Variants in CCDC146 observed in about 807,000 individuals in gnomAD.
The protein encoded by CCDC146 is coiled-coil domain-containing protein 146.
Under a neutral mutation model 119.3 loss-of-function variants are expected in CCDC146, and 92 were observed. That is an observed-to-expected ratio of 0.77 (90% CI 0.65 to 0.92). CCDC146 has a LOEUF of 0.92. Among genes scored for constraint, CCDC146 ranks in the 40% least tolerant of loss-of-function variants. CCDC146 has a pLI of 0.00. For synonymous variants in CCDC146, 372 were observed against 371.8 expected (o/e 1.00, Z -0.01); for missense variants, 1,000 against 1,103.0 (o/e 0.91, Z 1.32).
At chr7:77,250,364 G>A (rs559668700) in intron 4 of CCDC146, among the ~76,000 whole-genome samples, 1 of 152,250 alleles carries the variant, frequency 6.6e-6, no homozygotes, top group East Asian at 1.9e-4. Flanking sequence ...TTGCAAAGCA[G>A]GTCTATTGAC....
At chr7:77,278,620 A>T in intron 11 of CCDC146, 132 bp from the exon 12 acceptor site, 3 of 629,278 alleles carry the variant, frequency 4.8e-6, no homozygotes, top group Non-Finnish European at 5.4e-6. Flanking sequence ...TAATTTTTTT[A>T]TTTTTGTAGA....
In CCDC146 at chr7:77,196,211, T is replaced by A; in HGVS notation, c.156+28387T>A. On this transcript the variant is annotated intron_variant, in intron 2 of 18. Coordinates refer to ENST00000285871, the MANE Select transcript of CCDC146 (RefSeq NM_020879.3). This position sits in a 1 kb window ranked among gnomAD's most constrained non-coding sequence, Gnocchi z 4.2. ...TATGAAAAATATGAAACAAGGCATATTCTAAAGTGCTGAAGGAATTAATTG... is the reference window on the plus strand; with the variant it reads ...TATGAAAAATATGAAACAAGGCATAATCTAAAGTGCTGAAGGAATTAATTG... 1 of 1,162,618 alleles carries A rather than the reference T, an allele frequency of 8.6e-7. No individual in the cohort carries two copies. The highest frequency in any genetic ancestry group is 1.2e-6 in the Non-Finnish European group (1 of 818,496). The allele number at this position is 1,162,618 out of a possible 1,614,324, so 72.0% of individuals were successfully genotyped here.
chr7:77,151,697 G>C lies in CCDC146; in HGVS notation c.-11-15961G>C, dbSNP rs141395876. Among the ~76,000 whole-genome samples, 575 of 152,126 alleles carry C rather than the reference G, an allele frequency of 3.8e-3. 6 individuals carry two copies. The highest frequency in any genetic ancestry group is 0.014 in the African/African-American group (563 of 41,492). Reference sequence around the variant, plus strand: ...TCCTGGACATAAGACCTGCATTCAGGGTCATTAGGTAGCACCGTGGTTTCA... The same window carrying C: ...TCCTGGACATAAGACCTGCATTCAGCGTCATTAGGTAGCACCGTGGTTTCA... On this transcript the variant is annotated intron_variant, in intron 1 of 18. Transcript: ENST00000285871.
chr7:77,164,585 A>G (rs1001310371), intron 1 of CCDC146, among the ~76,000 whole-genome samples: 96 of 152,228 alleles, frequency 6.3e-4, no homozygotes, highest in African/African-American at 2.1e-3. Context: ...GAAGAGGAAA[A>G]CAAGTACATG....
intron 2 of CCDC146, among the ~76,000 whole-genome samples, chr7:77,178,966 T>C (rs1409282658): frequency 6.6e-6 from 1 of 152,276 alleles, no homozygotes; most frequent in East Asian, 1.9e-4. Flanking sequence ...AGAGAGAGGG[T>C]ACTGTTGTCT....
chr7:77,294,463 G>GGTAGGTGTGTGTGT (rs1554364032), intron 18 of CCDC146, among the ~76,000 whole-genome samples, 200 bp from the exon 19 acceptor site: 15 of 134,310 alleles, frequency 1.1e-4, no homozygotes, highest in African/African-American at 3.9e-4. Context: ...ATGAGAGGTA[G>GGTAGGTGTGTGTGT]GTGTGTGTGT....
rs377078764 is a variant in CCDC146 at position 77,163,417 on chromosome 7, C to T, written c.-11-4241C>T. ...GAGCAGAGAATGCACCACTGCACTC[C>T]AGCCTGGGAGACAGAGCAAGACTCT... On this transcript the variant is annotated intron_variant, in intron 1 of 18. Coordinates refer to ENST00000285871, the MANE Select transcript of CCDC146 (RefSeq NM_020879.3). Among the ~76,000 whole-genome samples the T allele has an allele frequency of 1.2e-4, 18 of 151,944 alleles. No homozygotes were observed. The East Asian group carries it at 2.9e-3, about 25-fold the overall frequency.
chr7:77,205,265 A>G (rs564380254), intron 2 of CCDC146, among the ~76,000 whole-genome samples: 2 of 152,350 alleles, frequency 1.3e-5, no homozygotes, highest in Middle Eastern at 3.4e-3. Flanking sequence ...TAGGTTTCTA[A>G]GAGCCTCTGG....
intron 9 of CCDC146, among the ~76,000 whole-genome samples, chr7:77,271,538 A>G: frequency 1.6e-5 from 1 of 61,180 alleles, no homozygotes; most frequent in South Asian, 6.7e-4. Flanking sequence ...ATATATATAT[A>G]TATATATATA....
chr7:77,273,634 C>G, intron 9 of CCDC146, 60 bp from the exon 10 acceptor site: 1 of 1,310,650 alleles, frequency 7.6e-7, no homozygotes, highest in Non-Finnish European at 1.1e-6. Context: ...AATTCTCTGC[C>G]TCAGCCTCCC....
chr7:77,196,413 G>A lies in CCDC146; in HGVS notation c.156+28589G>A, dbSNP rs1270628747. The A allele has an allele frequency of 6.2e-7, 1 of 1,614,062 alleles. No individual in the cohort carries two copies. The highest frequency in any genetic ancestry group is 1.1e-5 in the South Asian group (1 of 91,080). ...CCATTACGGACACCTCTGTATTTTT[G>A]GTGATAATATTTGCCATTTAAGTTT... is the stretch of plus-strand genomic sequence containing the variant. On this transcript the variant is annotated intron_variant, in intron 2 of 18. Transcript: ENST00000285871. This position sits in a 1 kb window ranked among gnomAD's most constrained non-coding sequence, Gnocchi z 4.2.
At chr7:77,229,575 G>A (rs756974669) in intron 2 of CCDC146, among the ~76,000 whole-genome samples, 1 of 152,122 alleles carries the variant, frequency 6.6e-6, no homozygotes, top group African/African-American at 2.4e-5. Flanking sequence ...TGAATAGGGA[G>A]TCTTTTCCCC....
intron 2 of CCDC146, among the ~76,000 whole-genome samples, chr7:77,216,804 G>T (rs1354186228): frequency 6.6e-6 from 1 of 152,096 alleles, no homozygotes; most frequent in East Asian, 1.9e-4. Context: ...TTTTGTCAAA[G>T]CTCATAAAGT....
intron 1 of CCDC146, among the ~76,000 whole-genome samples, chr7:77,142,139 C>T (rs1373058568): frequency 6.6e-6 from 1 of 152,044 alleles, no homozygotes; most frequent in Non-Finnish European, 1.5e-5. Flanking sequence ...TGGAAGGATT[C>T]CTTTTGAAAA....
intron 2 of CCDC146, among the ~76,000 whole-genome samples, chr7:77,200,665 G>GCCT (rs2150436622): frequency 6.6e-6 from 1 of 152,282 alleles, no homozygotes; most frequent in Non-Finnish European, 1.5e-5. Context: ...TGGCAGGCGG[G>GCCT]CCTCTTGCTT....
chr7:77,161,855 G>A (rs753619369), intron 1 of CCDC146, among the ~76,000 whole-genome samples: 29 of 148,736 alleles, frequency 1.9e-4, no homozygotes, highest in Non-Finnish European at 3.3e-4. Flanking sequence ...CAGGTGTGAG[G>A]CGACATCTTA....
intron 2 of CCDC146, among the ~76,000 whole-genome samples, chr7:77,174,082 A>G (rs1033533020): frequency 1.3e-5 from 2 of 152,018 alleles, no homozygotes; most frequent in Non-Finnish European, 2.9e-5. Flanking sequence ...CTTCCCAGTC[A>G]TTGCTCCCAC....
In CCDC146 at chr7:77,196,645, C is replaced by A; in HGVS notation, c.156+28821C>A. Reference sequence around the variant, plus strand: ...TGAGAAACTCATTAGCCACATAAAACTGATCATACAAGGCATATAGTTCGA... The same window carrying A: ...TGAGAAACTCATTAGCCACATAAAAATGATCATACAAGGCATATAGTTCGA... On this transcript the variant is annotated intron_variant, in intron 2 of 18. Transcript: ENST00000285871. This position sits in a 1 kb window ranked among gnomAD's most constrained non-coding sequence, Gnocchi z 4.2. The A allele has an allele frequency of 6.2e-7, 1 of 1,614,118 alleles. No homozygotes were observed. Among genetic ancestry groups the A allele is most frequent in the Non-Finnish European group, 8.5e-7 (1 of 1,179,948 alleles).
At chr7:77,294,463 G>GGGGTGTGTGT (rs1233864398) in intron 18 of CCDC146, among the ~76,000 whole-genome samples, 200 bp from the exon 19 acceptor site, 3 of 134,230 alleles carry the variant, frequency 2.2e-5, no homozygotes, top group South Asian at 2.5e-4. Flanking sequence ...ATGAGAGGTA[G>GGGGTGTGTGT]GTGTGTGTGT....
Sources: gnomAD v4.1 joint callset for allele counts (sites outside exome capture counted in the v4.1 genomes callset) on GRCh38, gnomAD v4.1.1 for gene constraint, Gnocchi (gnomAD v3.1) non-coding constraint, MANE v1.5 for transcripts, NCBI Gene and HGNC (gene_info 2026-07-23, HGNC 2026-07-21) for gene names.